The following SFMBT2 variants were observed in gnomAD, a reference collection of about 807,000 sequenced individuals.
SFMBT2 encodes the protein Scm like with four mbt domains 2.
SFMBT2 carries 38 observed loss-of-function variants against 110.1 expected under a neutral mutation model. The ratio of observed to expected loss-of-function variants is 0.35; its 90% CI spans 0.27 to 0.45. The LOEUF is 0.45. Ranked by LOEUF, SFMBT2 falls within the 20% of genes least tolerant of loss-of-function variation. The pLI, the probability that SFMBT2 is intolerant of heterozygous loss-of-function variation, is 1.00. For synonymous variants in SFMBT2, 425 were observed against 425.4 expected (o/e 1.00, Z 0.01); for missense variants, 1,011 against 1,094.9 (o/e 0.92, Z 1.08).
intron 20 of SFMBT2, among the ~76,000 whole-genome samples, chr10:7,168,515 G>C (rs1837766408): frequency 6.6e-6 from 1 of 152,216 alleles, no homozygotes; most frequent in South Asian, 2.1e-4. Flanking sequence ...GGTGTATGTT[G>C]AATGCACACA....
At chr10:7,204,421 G>A in intron 12 of SFMBT2, 2 of 985,380 alleles carry the variant, frequency 2.0e-6, no homozygotes, top group Non-Finnish European at 2.4e-6. Context: ...AAATGTCAGA[G>A]ACGGAATCTC....
intron 4 of SFMBT2, among the ~76,000 whole-genome samples, chr10:7,327,305 C>T (rs781202682): frequency 4.6e-5 from 7 of 152,154 alleles, no homozygotes; most frequent in Non-Finnish European, 8.8e-5. Flanking sequence ...CCCACCACCA[C>T]CATCAGGATA....
chr10:7,368,348 T>C (rs1427609655), intron 3 of SFMBT2: 1 of 985,260 alleles, frequency 1.0e-6, no homozygotes, highest in African/African-American at 1.7e-5. Context: ...AATGGAGTTG[T>C]TTTTTAATTA....
chr10:7,360,526 C>G lies in SFMBT2; in HGVS notation c.436+7123G>C, dbSNP rs1464128099. Among the ~76,000 whole-genome samples, 6 of 152,042 alleles carry G rather than the reference C, an allele frequency of 3.9e-5. No individual in the cohort carries two copies. The East Asian group carries it at 9.6e-4, about 24-fold the overall frequency. ...TATTGTGAGTAGTGAAAAACAAATA[C>G]AAACACCAAACACGGATTTCTGGGG... On this transcript the variant is annotated intron_variant, in intron 4 of 20. Transcript: ENST00000397167.
chr10:7,217,981 A>G lies in SFMBT2; in HGVS notation c.1330+2430T>C, dbSNP rs189599234. Among the ~76,000 whole-genome samples the G allele has an allele frequency of 5.1e-3, 783 of 152,322 alleles. 7 individuals carry two copies. Among genetic ancestry groups the G allele is most frequent in the African/African-American group, 0.018 (737 of 41,568 alleles). ...TTTATTCATTGCTCCCTCTTCAACA[A>G]CAGCCCCTTTAGAGACACGTAAAGA... On this transcript the variant is annotated intron_variant, in intron 11 of 20. Transcript: ENST00000397167.
chr10:7,339,000 G>T lies in SFMBT2; in HGVS notation c.436+28649C>A, dbSNP rs970781745. Among the ~76,000 whole-genome samples the T allele has an allele frequency of 1.2e-4, 19 of 152,306 alleles. No individual in the cohort carries two copies. In the East Asian group the frequency reaches 3.7e-3, roughly 29 times the overall value. ...CACACCTGTAATCCTACCACTTTGG[G>T]AGGCTGAGGTGGGCAGATCATCTGA... On this transcript the variant is annotated intron_variant, in intron 4 of 20. Transcript: ENST00000397167.
At chr10:7,400,458 A>G (rs1022680313) in intron 1 of SFMBT2, among the ~76,000 whole-genome samples, 5 of 152,188 alleles carry the variant, frequency 3.3e-5, no homozygotes, top group African/African-American at 1.2e-4. Context: ...ATTGTCCCAC[A>G]GAGGGTAGAT....
At chr10:7,347,707 C>G (rs1445681277) in intron 4 of SFMBT2, among the ~76,000 whole-genome samples, 1 of 152,154 alleles carries the variant, frequency 6.6e-6, no homozygotes, top group East Asian at 1.9e-4. Context: ...GGAAACTAAG[C>G]AGGCAAGCAT....
chr10:7,369,677 G>A (rs1017568727), intron 3 of SFMBT2, among the ~76,000 whole-genome samples: 5 of 152,070 alleles, frequency 3.3e-5, no homozygotes, highest in Admixed American at 3.3e-4. Context: ...AATATTAATT[G>A]AAGCTGAAAA....
intron 7 of SFMBT2, among the ~76,000 whole-genome samples, chr10:7,265,987 G>T (rs557737821): frequency 2.6e-4 from 39 of 152,168 alleles, no homozygotes; most frequent in Non-Finnish European, 4.9e-4. Context: ...AAGGCAAAGT[G>T]CTATATAATA....
intron 12 of SFMBT2, 63 bp downstream of exon 12, chr10:7,205,752 C>A: frequency 6.5e-7 from 1 of 1,548,620 alleles, no homozygotes; most frequent in Non-Finnish European, 8.7e-7. Context: ...CTTTATGAAG[C>A]TGCCAATTTA....
intron 4 of SFMBT2, among the ~76,000 whole-genome samples, chr10:7,302,396 T>C (rs1263661252): frequency 6.6e-6 from 1 of 152,230 alleles, no homozygotes; most frequent in Non-Finnish European, 1.5e-5. Context: ...TCACATTAAC[T>C]AGTTAGCCAC....
intron 9 of SFMBT2, among the ~76,000 whole-genome samples, chr10:7,232,701 G>A (rs1304351527): frequency 3.9e-5 from 6 of 152,084 alleles, no homozygotes; most frequent in Non-Finnish European, 8.8e-5. Flanking sequence ...TGGGACTCTT[G>A]GCTACTTTCT....
At chr10:7,374,503 T>C (rs1426772247) in intron 2 of SFMBT2, among the ~76,000 whole-genome samples, 4 of 152,202 alleles carry the variant, frequency 2.6e-5, no homozygotes, top group Non-Finnish European at 5.9e-5. Context: ...ATTAGAATTT[T>C]ACCAAAAGTT....
chr10:7,385,974 TG>T, intron 1 of SFMBT2, among the ~76,000 whole-genome samples: 1 of 152,004 alleles, frequency 6.6e-6, no homozygotes, highest in African/African-American at 2.4e-5. Flanking sequence ...CACTCCAGCC[TG>T]GGGGAGAGAG....
intron 4 of SFMBT2, among the ~76,000 whole-genome samples, chr10:7,361,947 A>C (rs550238519): frequency 1.2e-4 from 18 of 152,304 alleles, no homozygotes; most frequent in Admixed American, 7.2e-4. Flanking sequence ...ACTGCTTTTC[A>C]ATAAATAACA....
At chr10:7,320,149 G>A (rs1316981644) in intron 4 of SFMBT2, among the ~76,000 whole-genome samples, 2 of 152,234 alleles carry the variant, frequency 1.3e-5, no homozygotes, top group Non-Finnish European at 2.9e-5. Context: ...AACTTGGCCA[G>A]ATGCATGGCT....
intron 17 of SFMBT2, 131 bp downstream of exon 17, chr10:7,175,859 A>G (rs558815835): frequency 2.2e-4 from 177 of 815,536 alleles, no homozygotes; most frequent in Middle Eastern, 1.6e-3. Flanking sequence ...AAATCCTTCC[A>G]TAGCAATTCC....
rs1846063227 is a variant in SFMBT2 at position 7,400,902 on chromosome 10, G to A, written c.-52+9959C>T. On this transcript the variant is annotated intron_variant, in intron 1 of 20. Transcript: ENST00000397167. ...AATCCCAGCACTTCAGGAAGCCGAG[G>A]CGGGCGGATTACCTGAGGTCAGGAG... is the stretch of plus-strand genomic sequence containing the variant. Among the ~76,000 whole-genome samples, 3 of 152,316 alleles carry A rather than the reference G, an allele frequency of 2.0e-5. No individual in the cohort carries two copies. In the South Asian group the frequency reaches 6.2e-4, roughly 32 times the overall value.
Sources: gnomAD v4.1 joint callset for allele counts (sites outside exome capture counted in the v4.1 genomes callset) on GRCh38, gnomAD v4.1.1 for gene constraint, MANE v1.5 for transcripts, NCBI Gene and HGNC (gene_info 2026-07-23, HGNC 2026-07-21) for gene names.